PSMA8: variants seen among roughly 807,000 people sequenced by gnomAD.
PSMA8 encodes the protein proteasome subunit alpha-type 8.
A neutral mutation model predicts 32.4 loss-of-function variants in PSMA8; 18 were observed. The observed-to-expected ratio is 0.56, with a 90% confidence interval of 0.38 to 0.82. The LOEUF (loss-of-function observed/expected upper bound fraction) is 0.82. Ranked by LOEUF, PSMA8 falls within the 40% of genes least tolerant of loss-of-function variation. The pLI is 0.00. For synonymous variants in PSMA8, 104 were observed against 98.1 expected (o/e 1.06, Z -0.36); for missense variants, 298 against 300.7 (o/e 0.99, Z 0.07).
At chr18:26,152,829 C>T (rs565293189) in intron 3 of PSMA8, among the ~76,000 whole-genome samples, 1 of 152,138 alleles carries the variant, frequency 6.6e-6, no homozygotes, top group Non-Finnish European at 1.5e-5. Flanking sequence ...AGGGCTCAAT[C>T]TCTTGCTCTC....
intron 1 of PSMA8, among the ~76,000 whole-genome samples, chr18:26,134,342 T>TGTGTGGGG (rs2054892146): frequency 7.6e-6 from 1 of 131,574 alleles, no homozygotes; most frequent in East Asian, 2.0e-4. Context: ...TGTGTGTGGG[T>TGTGTGGGG]GTGTGTGTGT....
At chr18:26,163,211 GTGTA>G (rs1416396557) in intron 4 of PSMA8, among the ~76,000 whole-genome samples, 1 of 94,638 alleles carries the variant, frequency 1.1e-5, no homozygotes, top group Non-Finnish European at 1.9e-5. Flanking sequence ...TTATGTGTGT[GTGTA>G]TATATATATA....
chr18:26,171,079 C>A lies in PSMA8; in HGVS notation c.478-7751C>A. ...CTGCTGAGAACTAAATTAATTCTAC[C>A]CTTTAAAGGTCGATTCTTCTCAGGA... On this transcript the variant is annotated intron_variant, in intron 4 of 6. Transcript: ENST00000415576. 2.6e-6 allele frequency: 4 copies of A among 1,559,000 alleles called. No homozygotes were observed. The Admixed American group carries it at 7.3e-5, about 28-fold the overall frequency.
chr18:26,150,978 A>C (rs1335324757), intron 2 of PSMA8, among the ~76,000 whole-genome samples: 1 of 152,238 alleles, frequency 6.6e-6, no homozygotes, highest in Non-Finnish European at 1.5e-5. Flanking sequence ...TCTCATAGAT[A>C]ACATTTGCAA....
intron 4 of PSMA8, among the ~76,000 whole-genome samples, chr18:26,169,430 A>G (rs2055204457): frequency 7.6e-6 from 1 of 131,934 alleles, no homozygotes. Context: ...CTTTGGTTCA[A>G]GCAACCATCA....
intron 1 of PSMA8, among the ~76,000 whole-genome samples, chr18:26,140,581 G>A (rs570437969): frequency 6.6e-6 from 1 of 152,312 alleles, no homozygotes; most frequent in South Asian, 2.1e-4. Flanking sequence ...ATGGGCATGG[G>A]AAACTCCTAT....
chr18:26,174,661 G>A lies in PSMA8; in HGVS notation c.478-4169G>A, dbSNP rs9961996. Among the ~76,000 whole-genome samples the A allele has an allele frequency of 4.1e-3, 622 of 152,276 alleles. 1 individual carries two copies. Among genetic ancestry groups the A allele is most frequent in the African/African-American group, 0.011 (462 of 41,560 alleles). On this transcript the variant is annotated intron_variant, in intron 4 of 6. Transcript: ENST00000415576. ...TAAGGGGCATGTTTTGCTCTTGTCA[G>A]TATGGGCCATAATGTTTCAAAATGG... is the stretch of plus-strand genomic sequence containing the variant.
chr18:26,187,333 CA>C (rs1206211061), intron 6 of PSMA8, among the ~76,000 whole-genome samples: 3 of 152,048 alleles, frequency 2.0e-5, no homozygotes, highest in African/African-American at 7.2e-5. Context: ...GGCGACAGAG[CA>C]AGAGTCTGCT....
chr18:26,163,211 GTGTATATATATATATATATATA>G (rs2055149387), intron 4 of PSMA8, among the ~76,000 whole-genome samples: 2 of 94,638 alleles, frequency 2.1e-5, no homozygotes, highest in Non-Finnish European at 3.7e-5. Context: ...TTATGTGTGT[GTGTATATATATATATATATATA>G]TATATATATA....
chr18:26,146,995 G>A (rs1012909631), intron 2 of PSMA8, among the ~76,000 whole-genome samples: 1 of 152,052 alleles, frequency 6.6e-6, no homozygotes, highest in Non-Finnish European at 1.5e-5. Flanking sequence ...AGGAAGAAGA[G>A]AGAGAGAAGG....
In PSMA8 at chr18:26,163,213, G is replaced by GTATA. The variant is rs58945617; in HGVS notation, c.477+5015_477+5018dup. On this transcript the variant is annotated intron_variant, in intron 4 of 6. Transcript: ENST00000415576. ...AGGTGGTGTGTGTTTATGTGTGTGT[G>GTATA]TATATATATATATATATATATATAT... Among the ~76,000 whole-genome samples, 780 of 80,672 alleles carry GTATA rather than the reference G, an allele frequency of 9.7e-3. 9 individuals carry two copies. The highest frequency in any genetic ancestry group is 0.014 in the Middle Eastern group (2 of 144). 52.9% of individuals were successfully genotyped at this position (80,672 alleles called of 152,430 possible).
chr18:26,158,995 C>A (rs1196040719), intron 4 of PSMA8, among the ~76,000 whole-genome samples: 1 of 151,978 alleles, frequency 6.6e-6, no homozygotes, highest in South Asian at 2.1e-4. Flanking sequence ...CAAACAATGC[C>A]CCCCTGCCCC....
intron 1 of PSMA8, among the ~76,000 whole-genome samples, chr18:26,141,757 A>G (rs542156428): frequency 7.9e-6 from 1 of 125,910 alleles, no homozygotes; most frequent in Non-Finnish European, 1.6e-5. Flanking sequence ...TGGCATGATC[A>G]TGGTTCACTG....
At chr18:26,174,837 A>G (rs1598665047) in intron 4 of PSMA8, among the ~76,000 whole-genome samples, 1 of 152,364 alleles carries the variant, frequency 6.6e-6, no homozygotes, top group South Asian at 2.1e-4. Flanking sequence ...ACCAAAGTAC[A>G]TCTGGATCTG....
chr18:26,187,784 G>A (rs893753746), intron 6 of PSMA8, among the ~76,000 whole-genome samples: 1 of 152,008 alleles, frequency 6.6e-6, no homozygotes, highest in Admixed American at 6.6e-5. Context: ...GATATGTAAA[G>A]TAAACATTAT....
intron 6 of PSMA8, among the ~76,000 whole-genome samples, chr18:26,187,978 A>G (rs1340945451): frequency 6.6e-6 from 1 of 152,196 alleles, no homozygotes; most frequent in Non-Finnish European, 1.5e-5. Flanking sequence ...CAGCTGCAGA[A>G]TATGCATTAT....
Position 26,191,248 on chromosome 18 carries a change from A to G in PSMA8, c.661-1071A>G, listed in dbSNP as rs554104318. On this transcript the variant is annotated intron_variant, in intron 6 of 6. Coordinates refer to ENST00000415576, the MANE Select transcript of PSMA8 (RefSeq NM_001025096.2). Reference sequence around the variant, plus strand: ...TTTCCATAAAGTTGATCATTCATTTATCAATTTAATAGATACCTCTTTTCA... The same window carrying G: ...TTTCCATAAAGTTGATCATTCATTTGTCAATTTAATAGATACCTCTTTTCA... Among the ~76,000 whole-genome samples the G allele has an allele frequency of 4.6e-5, 7 of 152,348 alleles. No homozygotes were observed. The East Asian group carries it at 9.6e-4, about 21-fold the overall frequency.
chr18:26,156,307 T>G (rs1193498269), intron 3 of PSMA8, among the ~76,000 whole-genome samples: 1 of 152,196 alleles, frequency 6.6e-6, no homozygotes, highest in East Asian at 1.9e-4. Flanking sequence ...CTACTGGTTA[T>G]GCATCATCCA....
intron 2 of PSMA8, among the ~76,000 whole-genome samples, chr18:26,147,065 C>T (rs1028309304): frequency 6.6e-6 from 1 of 151,938 alleles, no homozygotes; most frequent in Non-Finnish European, 1.5e-5. Context: ...ACAAGAACAG[C>T]ATTGGGGGAT....
Sources: gnomAD v4.1 joint callset for allele counts (sites outside exome capture counted in the v4.1 genomes callset) on GRCh38, gnomAD v4.1.1 for gene constraint, MANE v1.5 for transcripts, NCBI Gene and HGNC (gene_info 2026-07-23, HGNC 2026-07-21) for gene names.